The following POU2AF1 variants were observed in gnomAD, a reference collection of about 807,000 sequenced individuals.
The protein encoded by POU2AF1 is POU class 2 homeobox associating factor 1.
Under a neutral mutation model 26.3 loss-of-function variants are expected in POU2AF1, and 12 were observed. The ratio of observed to expected loss-of-function variants is 0.46; its 90% confidence interval spans 0.29 to 0.74. The LOEUF is 0.74. Among genes scored for constraint, POU2AF1 ranks in the 30% least tolerant of loss-of-function variants. The probability of loss-of-function intolerance (pLI) is 0.09; values close to 1 mark genes in which losing one functional copy is unlikely to be tolerated. For missense variants in POU2AF1, 297 were observed against 334.5 expected (o/e 0.89, Z 0.87); for synonymous variants, 175 against 148.0 (o/e 1.18, Z -1.32).
Position 111,357,602 on chromosome 11 carries a change from G to T in POU2AF1, c.299C>A (p.Ala100Asp), listed in dbSNP as rs770378005. Residue 100 changes from alanine to aspartate, a missense_variant, in exon 4 of 5, where the codon GCC becomes GAC. Transcript: ENST00000393067. ...QPTPATLQPLAPWTPYTEYVP... is the reference protein window; with the variant it reads ...QPTPATLQPLDPWTPYTEYVP... The stretch of plus-strand genomic sequence containing the variant: ...ATACTCGGTGTAAGGTGTCCATGGG[G>T]CCAGGGGCTGCAGGGTGGCCGGGGT... 2 of 1,614,086 alleles carry T rather than the reference G, an allele frequency of 1.2e-6. No individual in the cohort carries two copies. Among genetic ancestry groups the T allele is most frequent in the South Asian group, 1.1e-5 (1 of 91,072 alleles).
chr11:111,358,414 ACACACGCT>A (rs1565360781), intron 2 of POU2AF1, among the ~76,000 whole-genome samples: 6 of 78,878 alleles, frequency 7.6e-5, no homozygotes, highest in South Asian at 3.6e-4. Context: ...ACTCTCTCAC[ACACACGCT>A]CACACTCTCA....
chr11:111,367,043 C>G (rs1257247500), intron 1 of POU2AF1, among the ~76,000 whole-genome samples: 1 of 152,178 alleles, frequency 6.6e-6, no homozygotes, highest in African/African-American at 2.4e-5. Flanking sequence ...GGGTGTCCCG[C>G]CCCACAACCG....
At position 111,357,576 on chromosome 11, in the gene POU2AF1, C is replaced by T. The variant is rs1860872496; in HGVS notation, c.325G>A (p.Val109Met). The T allele has an allele frequency of 3.7e-6, 6 of 1,614,064 alleles. No individual in the cohort carries two copies. The East Asian group carries it at 8.9e-5, about 24-fold the overall frequency. The change falls in exon 4 of 5, where the codon GTG becomes ATG. Residue 109 changes from valine (V) to methionine (M), a missense_variant. By Grantham distance (21) the Val-to-Met change is conservative. Transcript: ENST00000393067. ...GGGCAGCTGACAGCTTCATGGGGCA[C>T]ATACTCGGTGTAAGGTGTCCATGGG... ...LAPWTPYTEY[V>M]PHEAVSCPYS...
Position 111,354,319 on chromosome 11 carries a change from T to A in POU2AF1, c.713A>T (p.Glu238Val). 6.2e-7 allele frequency: 1 copy of A among 1,614,202 alleles called. No individual in the cohort carries two copies. The highest frequency in any genetic ancestry group is 8.5e-7 in the Non-Finnish European group (1 of 1,180,028). Residue 238 changes from glutamate to valine, a missense_variant, in exon 5 of 5, where the codon GAG (glutamate) becomes GTG (valine). Transcript: ENST00000393067. ...CGCATAGGCGTCGCTATCCTCTTCC[T>A]CCAAAAGCAGCTTGTCGATGGTCAA... ...SSLTIDKLLL[E>V]EEDSDAYALN...
chr11:111,376,167 T>C (rs1861307275), intron 1 of POU2AF1, among the ~76,000 whole-genome samples: 1 of 152,220 alleles, frequency 6.6e-6, no homozygotes, highest in Non-Finnish European at 1.5e-5. Context: ...AAACTTGCTA[T>C]CATTTTACCT....
At chr11:111,374,160 C>G (rs1353529865) in intron 1 of POU2AF1, among the ~76,000 whole-genome samples, 8 of 116,018 alleles carry the variant, frequency 6.9e-5, no homozygotes, top group Admixed American at 2.3e-4. Context: ...AGAACAGAAT[C>G]CCAAGTGTGA....
rs561477474 is a variant in POU2AF1, at chr11:111,359,826, G to T, written c.17-908C>A. 4.6e-5 allele frequency among the ~76,000 whole-genome samples: 7 copies of T among 152,286 alleles called. 1 individual carries two copies. In the South Asian group the frequency reaches 1.5e-3, roughly 32 times the overall value. On this transcript the variant is annotated intron_variant, in intron 1 of 4. Transcript: ENST00000393067. ...GGCATGCCCATGCGTTTTAAGCTCAGTTGATACTTATTGATTAATCGATTG... is the reference window on the plus strand; with the variant it reads ...GGCATGCCCATGCGTTTTAAGCTCATTTGATACTTATTGATTAATCGATTG...
At chr11:111,365,545 G>A (rs1309252743) in intron 1 of POU2AF1, among the ~76,000 whole-genome samples, 3 of 152,102 alleles carry the variant, frequency 2.0e-5, no homozygotes, top group African/African-American at 7.2e-5. Context: ...CCACTGAGAA[G>A]AAATACGATT....
intron 1 of POU2AF1, among the ~76,000 whole-genome samples, chr11:111,377,611 C>CA (rs746862024): frequency 7.9e-5 from 12 of 152,086 alleles, no homozygotes; most frequent in Non-Finnish European, 1.2e-4. Context: ...ACTTAACATA[C>CA]AAAAAACCTA....
intron 2 of POU2AF1, among the ~76,000 whole-genome samples, chr11:111,358,247 T>C (rs61896821): frequency 0.68 from 103,486 of 151,092 alleles, 36,172 homozygotes; most frequent in Admixed American, 0.79. Context: ...GCCTGATCCT[T>C]TTGGTCACCT....
intron 1 of POU2AF1, chr11:111,363,724 G>A (rs1222165754): frequency 6.0e-6 from 4 of 667,198 alleles, no homozygotes; most frequent in Non-Finnish European, 7.4e-6. Flanking sequence ...TATCAGCAGA[G>A]AAGATAGAAG....
chr11:111,356,845 G>A (rs1310550850), intron 4 of POU2AF1, among the ~76,000 whole-genome samples: 1 of 152,102 alleles, frequency 6.6e-6, no homozygotes, highest in East Asian at 1.9e-4. Flanking sequence ...TACAGATGAG[G>A]ACACTGAGGC....
chr11:111,374,678 G>A (rs1483395908), intron 1 of POU2AF1, among the ~76,000 whole-genome samples: 1 of 152,188 alleles, frequency 6.6e-6, no homozygotes, highest in Non-Finnish European at 1.5e-5. Flanking sequence ...CTGGGTGACA[G>A]AGCAAGACTC....
chr11:111,375,170 T>C (rs1861283653), intron 1 of POU2AF1, among the ~76,000 whole-genome samples: 1 of 152,132 alleles, frequency 6.6e-6, no homozygotes, highest in African/African-American at 2.4e-5. Flanking sequence ...CATTAGCATG[T>C]AGATTGTTCC....
At chr11:111,364,094 A>C in intron 1 of POU2AF1, 1 of 728,368 alleles carries the variant, frequency 1.4e-6, no homozygotes, top group Non-Finnish European at 1.7e-6. Context: ...TGAGCAATGA[A>C]ACAAAATCTG....
At chr11:111,367,705 TC>T (rs1456346115) in intron 1 of POU2AF1, among the ~76,000 whole-genome samples, 1 of 152,160 alleles carries the variant, frequency 6.6e-6, no homozygotes, top group Non-Finnish European at 1.5e-5. Flanking sequence ...CCAGTCTCCC[TC>T]AATTGCCAAT....
At chr11:111,364,761 G>A (rs948004066) in intron 1 of POU2AF1, among the ~76,000 whole-genome samples, 5 of 152,220 alleles carry the variant, frequency 3.3e-5, no homozygotes, top group Admixed American at 6.5e-5. Context: ...CCTACTGAGA[G>A]TACTCTCCAT....
At chr11:111,365,165 C>A (rs1043476988) in intron 1 of POU2AF1, among the ~76,000 whole-genome samples, 7 of 152,184 alleles carry the variant, frequency 4.6e-5, no homozygotes, top group African/African-American at 1.7e-4. Context: ...GGGGTGCAGC[C>A]TATGTGAGTG....
chr11:111,354,628 A>T, intron 4 of POU2AF1, 53 bp from the exon 5 acceptor site: 1 of 1,432,640 alleles, frequency 7.0e-7, no homozygotes, highest in Non-Finnish European at 9.2e-7. Context: ...AGACCCATCC[A>T]CCCATCCTTG....
Sources: gnomAD v4.1 joint callset for allele counts (sites outside exome capture counted in the v4.1 genomes callset) on GRCh38, gnomAD v4.1.1 for gene constraint, MANE v1.5 for transcripts, NCBI Gene and HGNC (gene_info 2026-07-23, HGNC 2026-07-21) for gene names.